The following FRMD6 variants were observed in gnomAD, a reference collection of about 807,000 sequenced individuals.
FRMD6 encodes the protein FERM domain-containing protein 6.
FRMD6 carries 37 observed loss-of-function variants against 73.2 expected under a neutral mutation model. That is an observed-to-expected ratio of 0.51 (90% CI 0.39 to 0.66). The LOEUF (loss-of-function observed/expected upper bound fraction) is 0.66. FRMD6 is among the 30% of genes least tolerant of loss of function. The probability of loss-of-function intolerance (pLI) is 0.00; values close to 1 mark genes in which losing one functional copy is unlikely to be tolerated. For missense variants in FRMD6, 714 were observed against 780.5 expected, an observed-to-expected ratio of 0.91 and a Z score of 1.02; for synonymous variants, 273 against 282.2, an observed-to-expected ratio of 0.97 and a Z score of 0.33.
intron 2 of FRMD6, among the ~76,000 whole-genome samples, chr14:51,638,479 G>T (rs1891671465): frequency 6.6e-6 from 1 of 152,098 alleles, no homozygotes; most frequent in South Asian, 2.1e-4. Flanking sequence ...TACTGCTCCG[G>T]GAGCCACAGC....
At chr14:51,573,782 A>G (rs1888262738) in intron 2 of FRMD6, among the ~76,000 whole-genome samples, 1 of 152,204 alleles carries the variant, frequency 6.6e-6, no homozygotes, top group South Asian at 2.1e-4. Flanking sequence ...GCAGATGACT[A>G]CTTACCAAGA....
At chr14:51,696,929 A>G (rs1201367036) in intron 2 of FRMD6, among the ~76,000 whole-genome samples, 1 of 152,146 alleles carries the variant, frequency 6.6e-6, no homozygotes, top group Non-Finnish European at 1.5e-5. Context: ...AGGCTTATGA[A>G]AAAATGCTCG....
At chr14:51,605,139 C>CTTTT (rs11389733) in intron 2 of FRMD6, among the ~76,000 whole-genome samples, 87 of 119,506 alleles carry the variant, frequency 7.3e-4, no homozygotes, top group East Asian at 1.2e-3. Flanking sequence ...CTGCAGGTTT[C>CTTTT]TTTTTTTTTT....
intron 1 of FRMD6, among the ~76,000 whole-genome samples, chr14:51,549,700 A>G (rs1156300811): frequency 7.4e-6 from 1 of 135,588 alleles, no homozygotes; most frequent in Non-Finnish European, 1.5e-5. Flanking sequence ...GGTTCACGCC[A>G]TTCTCCTGCC....
At chr14:51,480,276 G>T in the FRMD6 span, among the ~76,000 whole-genome samples, 2 of 152,066 alleles carry the variant, frequency 1.3e-5, no homozygotes, top group Admixed American at 6.6e-5. Flanking sequence ...CCTAACACAG[G>T]GTATACGTAC....
intron 1 of FRMD6, among the ~76,000 whole-genome samples, chr14:51,519,397 A>T (rs959205786): frequency 2.6e-5 from 4 of 151,980 alleles, no homozygotes; most frequent in Non-Finnish European, 4.4e-5. Flanking sequence ...TGACCCACCC[A>T]CCTCGGCTTC....
intron 4 of FRMD6, 94 bp from the exon 5 acceptor site, chr14:51,702,418 G>A: frequency 1.0e-6 from 1 of 989,088 alleles, no homozygotes; most frequent in Non-Finnish European, 1.6e-6. Flanking sequence ...TGATCAAAAA[G>A]TATCTTGCAA....
the FRMD6 span, among the ~76,000 whole-genome samples, chr14:51,424,582 T>A: frequency 6.6e-6 from 1 of 152,190 alleles, no homozygotes; most frequent in South Asian, 2.1e-4. Context: ...CCAGAAAATG[T>A]CCTCTCTTCT....
intron 2 of FRMD6, among the ~76,000 whole-genome samples, chr14:51,635,769 TA>T (rs1224322772): frequency 1.3e-5 from 2 of 152,132 alleles, no homozygotes; most frequent in Non-Finnish European, 2.9e-5. Flanking sequence ...GGAGGTAGAA[TA>T]AAAAAATACT....
At chr14:51,551,899 T>C (rs1343860141) in intron 1 of FRMD6, among the ~76,000 whole-genome samples, 4 of 152,188 alleles carry the variant, frequency 2.6e-5, no homozygotes, top group Non-Finnish European at 4.4e-5. Context: ...GGCCTCTAAC[T>C]ATTCCATGTT....
intron 1 of FRMD6, among the ~76,000 whole-genome samples, chr14:51,515,919 C>A (rs1884609852): frequency 6.6e-6 from 1 of 152,144 alleles, no homozygotes; most frequent in Non-Finnish European, 1.5e-5. Flanking sequence ...AAAAGCAGGG[C>A]TTTAAGGGAG....
intron 2 of FRMD6, among the ~76,000 whole-genome samples, chr14:51,608,392 C>G (rs1169205328): frequency 6.6e-6 from 1 of 152,176 alleles, no homozygotes; most frequent in Non-Finnish European, 1.5e-5. Flanking sequence ...TGGAAAATGG[C>G]TGTAGTAGTA....
At chr14:51,705,629 CT>C (rs1896581621) in intron 6 of FRMD6, among the ~76,000 whole-genome samples, 1 of 152,048 alleles carries the variant, frequency 6.6e-6, no homozygotes. Context: ...CTACTCTTGC[CT>C]TTCCTTCTCA....
At chr14:51,498,212 C>A (rs1883412070) in intron 1 of FRMD6, among the ~76,000 whole-genome samples, 1 of 152,160 alleles carries the variant, frequency 6.6e-6, no homozygotes, top group Admixed American at 6.5e-5. Context: ...ATTAGCCAGA[C>A]CCATAAGCGT....
intron 2 of FRMD6, among the ~76,000 whole-genome samples, chr14:51,599,058 C>CTTTTCTTT (rs1158794443): frequency 1.2e-4 from 9 of 72,824 alleles, no homozygotes; most frequent in South Asian, 5.5e-4. Context: ...CAGTATCTGT[C>CTTTTCTTT]TTTTTTTTTT....
chr14:51,662,295 A>T (rs2140171083), intron 1 of FRMD6, among the ~76,000 whole-genome samples: 2 of 152,346 alleles, frequency 1.3e-5, no homozygotes, highest in East Asian at 3.9e-4. Flanking sequence ...AACTAGAAAA[A>T]AACTATTTAC....
In FRMD6 at chr14:51,689,066, G is replaced by A. The variant is rs181600189; in HGVS notation, c.-146-625G>A. On this transcript the variant is annotated intron_variant, in intron 1 of 13. Coordinates refer to ENST00000344768, the MANE Select transcript of FRMD6 (RefSeq NM_001267046.2). ...ATGAAATAATAGAAAAATCAAGTATGCATTATTAGGTTAAAGAAGCAGGAG... is the reference window on the plus strand; with the variant it reads ...ATGAAATAATAGAAAAATCAAGTATACATTATTAGGTTAAAGAAGCAGGAG... Among the ~76,000 whole-genome samples the A allele has an allele frequency of 2.6e-5, 4 of 152,286 alleles. No homozygotes were observed. In the East Asian group the frequency reaches 7.7e-4, roughly 29 times the overall value.
chr14:51,652,130 G>C (rs1363605027), intron 1 of FRMD6, 134 bp downstream of exon 1: 1 of 152,282 alleles, frequency 6.6e-6, no homozygotes, highest in African/African-American at 2.4e-5. Flanking sequence ...TCTGGAAGTC[G>C]CGAGTCCCAG....
intron 2 of FRMD6, among the ~76,000 whole-genome samples, chr14:51,571,828 A>G (rs1438233414): frequency 6.6e-6 from 1 of 152,228 alleles, no homozygotes; most frequent in Admixed American, 6.5e-5. Flanking sequence ...CTTAATAAAT[A>G]TTAGCCATGA....
Sources: allele counts gnomAD v4.1 joint callset (sites outside exome capture counted in the v4.1 genomes callset), GRCh38; gene constraint gnomAD v4.1.1; transcripts MANE v1.5; gene names NCBI Gene and HGNC (gene_info 2026-07-23, HGNC 2026-07-21).